RUNDC3B: variants seen among roughly 807,000 people sequenced by gnomAD.
The protein encoded by RUNDC3B is RUN domain-containing protein 3B.
In RUNDC3B, 33 loss-of-function variants were observed where a neutral mutation model predicts 58.4. That is an observed-to-expected ratio of 0.56 (90% CI 0.43 to 0.75). RUNDC3B has a LOEUF of 0.75. Ranked by LOEUF, RUNDC3B falls within the 30% of genes least tolerant of loss-of-function variation. The probability of loss-of-function intolerance (pLI) is 0.00; values close to 1 mark genes in which losing one functional copy is unlikely to be tolerated. For synonymous variants in RUNDC3B, 193 were observed against 195.2 expected (o/e 0.99, Z 0.10); for missense variants, 501 against 535.7 (o/e 0.94, Z 0.64).
chr7:87,742,207 T>A (rs759724202), intron 6 of RUNDC3B, among the ~76,000 whole-genome samples: 25 of 152,186 alleles, frequency 1.6e-4, no homozygotes, highest in Non-Finnish European at 3.1e-4. Context: ...GATCTTTATA[T>A]ACTTCTTTAT....
chr7:87,638,010 A>G (rs1258927311), intron 1 of RUNDC3B, among the ~76,000 whole-genome samples: 1 of 152,064 alleles, frequency 6.6e-6, no homozygotes, highest in Non-Finnish European at 1.5e-5. Flanking sequence ...TTCTATTTCT[A>G]AATTGCTGAG....
At chr7:87,630,197 AT>A (rs1040674008) in intron 1 of RUNDC3B, among the ~76,000 whole-genome samples, 2 of 152,234 alleles carry the variant, frequency 1.3e-5, no homozygotes. Context: ...TTTTTCCGTT[AT>A]TTTTCTTGTG....
At chr7:87,698,645 AT>A (rs1430777450) in intron 2 of RUNDC3B, among the ~76,000 whole-genome samples, 1 of 152,148 alleles carries the variant, frequency 6.6e-6, no homozygotes, top group African/African-American at 2.4e-5. Flanking sequence ...TATAAATTTA[AT>A]TTTTCAACAA....
rs1271110564 is a variant in RUNDC3B at position 87,831,339 on chromosome 7, T to C, written c.*1309T>C. On this transcript the variant is annotated 3_prime_UTR_variant, in exon 11 of 11. Transcript: ENST00000394654. ...AAAGAGCTGAGGTTACCACATTCAT[T>C]CTTTGTGTTAGAAATGTAGGAGTGT... 2 of 151,880 alleles carry C rather than the reference T, an allele frequency of 1.3e-5. No homozygotes were observed. The highest frequency in any genetic ancestry group is 2.9e-5 in the Non-Finnish European group (2 of 67,850). The allele number at this position is 151,880 out of a possible 1,614,324, so 9.4% of individuals were successfully genotyped here.
At chr7:87,812,796 G>A (rs938052276) in intron 9 of RUNDC3B, among the ~76,000 whole-genome samples, 4 of 152,156 alleles carry the variant, frequency 2.6e-5, no homozygotes, top group African/African-American at 9.7e-5. Flanking sequence ...TGTATCTGCT[G>A]AGTTACTTGC....
At chr7:87,676,703 CAAAAAAAAAAAAAAA>C (rs57480483) in intron 2 of RUNDC3B, among the ~76,000 whole-genome samples, 2 of 45,432 alleles carry the variant, frequency 4.4e-5, no homozygotes, top group Non-Finnish European at 8.8e-5. Context: ...GACCCTGTCT[CAAAAAAAAAAAAAAA>C]AAAAAAAAAA....
chr7:87,708,618 AT>A (rs1829810568), intron 3 of RUNDC3B, among the ~76,000 whole-genome samples: 1 of 151,988 alleles, frequency 6.6e-6, no homozygotes, highest in South Asian at 2.1e-4. Flanking sequence ...TTTAATTTTA[AT>A]TTTCCCACTC....
At chr7:87,696,099 GA>G (rs1159841795) in intron 2 of RUNDC3B, among the ~76,000 whole-genome samples, 4 of 152,082 alleles carry the variant, frequency 2.6e-5, no homozygotes, top group Admixed American at 2.0e-4. Context: ...TTAACATTGG[GA>G]AAATGTTAAC....
chr7:87,648,774 A>G (rs1183585854), intron 1 of RUNDC3B, among the ~76,000 whole-genome samples: 1 of 152,192 alleles, frequency 6.6e-6, no homozygotes, highest in Non-Finnish European at 1.5e-5. Context: ...CAGGAAAATT[A>G]TAATTTTTAC....
intron 1 of RUNDC3B, among the ~76,000 whole-genome samples, chr7:87,646,193 T>A (rs1313994114): frequency 6.6e-6 from 1 of 152,208 alleles, no homozygotes; most frequent in Admixed American, 6.5e-5. Context: ...CTATGAGTAA[T>A]GTAGAAAAAT....
intron 6 of RUNDC3B, among the ~76,000 whole-genome samples, chr7:87,747,789 C>T (rs976607867): frequency 6.6e-6 from 1 of 152,080 alleles, no homozygotes; most frequent in African/African-American, 2.4e-5. Context: ...ACAGGCTTCA[C>T]CCAGCTCACA....
chr7:87,807,066 C>T (rs909913549), intron 8 of RUNDC3B, among the ~76,000 whole-genome samples: 3 of 152,004 alleles, frequency 2.0e-5, no homozygotes, highest in African/African-American at 7.2e-5. Flanking sequence ...TAAGATATCA[C>T]TTCCTTTTAA....
chr7:87,820,744 C>G (rs1837372926), intron 10 of RUNDC3B, among the ~76,000 whole-genome samples: 1 of 151,394 alleles, frequency 6.6e-6, no homozygotes, highest in Non-Finnish European at 1.5e-5. Flanking sequence ...ATACGCAAAT[C>G]AATAAATGTA....
chr7:87,657,787 A>G (rs562523007), intron 2 of RUNDC3B, among the ~76,000 whole-genome samples: 1 of 152,128 alleles, frequency 6.6e-6, no homozygotes, highest in South Asian at 2.1e-4. Flanking sequence ...GGAAGCCTGG[A>G]CTCCAAGTCC....
At chr7:87,793,651 C>A (rs1835650182) in intron 8 of RUNDC3B, among the ~76,000 whole-genome samples, 1 of 151,998 alleles carries the variant, frequency 6.6e-6, no homozygotes, top group Admixed American at 6.6e-5. Flanking sequence ...AAAAAACACT[C>A]AAAAAACTGA....
chr7:87,815,535 T>A (rs1224582771), intron 9 of RUNDC3B, among the ~76,000 whole-genome samples: 2 of 152,096 alleles, frequency 1.3e-5, no homozygotes, highest in Non-Finnish European at 2.9e-5. Context: ...TAATTAACTT[T>A]TTATTAGCTT....
intron 8 of RUNDC3B, among the ~76,000 whole-genome samples, chr7:87,796,687 T>A (rs1835839507): frequency 6.6e-6 from 1 of 152,182 alleles, no homozygotes; most frequent in African/African-American, 2.4e-5. Flanking sequence ...TCAACCATGT[T>A]TCATATAGCC....
At chr7:87,648,544 G>T (rs1429807432) in intron 1 of RUNDC3B, among the ~76,000 whole-genome samples, 1 of 150,708 alleles carries the variant, frequency 6.6e-6, no homozygotes, top group Non-Finnish European at 1.5e-5. Flanking sequence ...AAAAAAAAAA[G>T]AGGCTTACAC....
At chr7:87,803,454 A>G (rs1450938753) in intron 8 of RUNDC3B, among the ~76,000 whole-genome samples, 1 of 152,236 alleles carries the variant, frequency 6.6e-6, no homozygotes, top group Non-Finnish European at 1.5e-5. Context: ...CGTCAACATA[A>G]TTACATATAA....
Sources: allele counts gnomAD v4.1 joint callset (sites outside exome capture counted in the v4.1 genomes callset), GRCh38; gene constraint gnomAD v4.1.1; transcripts MANE v1.5; gene names NCBI Gene and HGNC (gene_info 2026-07-23, HGNC 2026-07-21).